IMMP2L: variants seen among roughly 807,000 people sequenced by gnomAD.
IMMP2L encodes the protein inner mitochondrial membrane peptidase subunit 2, also known as mitochondrial inner membrane protease subunit 2.
A neutral mutation model predicts 19.3 loss-of-function variants in IMMP2L; 18 were observed. The ratio of observed to expected loss-of-function variants is 0.93; its 90% CI spans 0.64 to 1.38. The LOEUF is 1.38. Among genes scored for constraint, IMMP2L ranks in the 40% most tolerant of loss-of-function variants. The pLI is 0.00. For missense variants in IMMP2L, 233 were observed against 218.2 expected (o/e 1.07, Z -0.43); for synonymous variants, 76 against 73.0 (o/e 1.04, Z -0.21).
intron 3 of IMMP2L, among the ~76,000 whole-genome samples, chr7:111,480,992 T>C (rs1350326316): frequency 6.6e-6 from 1 of 152,150 alleles, no homozygotes; most frequent in African/African-American, 2.4e-5. Flanking sequence ...TCAAATGCTC[T>C]ATTCTATTTC....
intron 3 of IMMP2L, among the ~76,000 whole-genome samples, chr7:111,406,929 A>G (rs999311665): frequency 3.3e-5 from 5 of 151,956 alleles, no homozygotes; most frequent in African/African-American, 1.2e-4. Context: ...AGCCACAGGA[A>G]CCTCTGCAGT....
At chr7:111,074,046 G>T (rs1278132288) in intron 3 of IMMP2L, among the ~76,000 whole-genome samples, 1 of 152,150 alleles carries the variant, frequency 6.6e-6, no homozygotes, top group Non-Finnish European at 1.5e-5. Flanking sequence ...GATAACACTT[G>T]CTGGACTCTG....
intron 4 of IMMP2L, among the ~76,000 whole-genome samples, chr7:110,957,405 A>T (rs187668966): frequency 1.5e-4 from 23 of 152,130 alleles, no homozygotes; most frequent in African/African-American, 5.5e-4. Context: ...AACTATTTCT[A>T]CAAGAAGCTA....
rs1487724532 is a variant in IMMP2L at position 110,686,972 on chromosome 7, A to G, written c.409-23251T>C. Among the ~76,000 whole-genome samples the G allele has an allele frequency of 1.3e-5, 2 of 152,078 alleles. 1 individual carries two copies. The highest frequency in any genetic ancestry group is 1.3e-4 in the Admixed American group (2 of 15,252). On this transcript the variant is annotated intron_variant, in intron 5 of 5. Transcript: ENST00000405709. ...CCTGGCATTCAGGAACCATCACAGT[A>G]TTATGCCCATCTGTCCACTTTTTCT...
At chr7:110,675,031 A>G (rs910967819) in intron 5 of IMMP2L, among the ~76,000 whole-genome samples, 2 of 152,178 alleles carry the variant, frequency 1.3e-5, no homozygotes, top group South Asian at 2.1e-4. Flanking sequence ...GGTCTCCCCA[A>G]TATCCAGTTC....
At chr7:111,121,610 G>C (rs935009137) in intron 3 of IMMP2L, among the ~76,000 whole-genome samples, 6 of 152,146 alleles carry the variant, frequency 3.9e-5, no homozygotes, top group African/African-American at 1.4e-4. Context: ...GGAGAAATAG[G>C]AACACTTTTA....
chr7:111,033,903 T>C (rs960401860), intron 3 of IMMP2L, among the ~76,000 whole-genome samples: 2 of 152,164 alleles, frequency 1.3e-5, no homozygotes, highest in African/African-American at 2.4e-5. Flanking sequence ...AATATCCATA[T>C]TATGGAACAT....
chr7:110,738,934 T>A (rs1192418279), intron 5 of IMMP2L, among the ~76,000 whole-genome samples: 1 of 152,132 alleles, frequency 6.6e-6, no homozygotes, highest in Admixed American at 6.5e-5. Context: ...AAAACAATTA[T>A]CGCCAAGAAT....
intron 4 of IMMP2L, among the ~76,000 whole-genome samples, chr7:110,952,259 T>C (rs1303039494): frequency 2.0e-5 from 3 of 152,186 alleles, no homozygotes; most frequent in Non-Finnish European, 4.4e-5. Flanking sequence ...GAGATGTAAT[T>C]GAGCCAGCAG....
chr7:111,060,594 C>T (rs910815164), intron 3 of IMMP2L, among the ~76,000 whole-genome samples: 5 of 152,104 alleles, frequency 3.3e-5, no homozygotes, highest in Admixed American at 2.0e-4. Context: ...TACTTTGGGG[C>T]AAGTTATCTC....
chr7:111,520,611 T>C (rs1846240275), intron 2 of IMMP2L, among the ~76,000 whole-genome samples: 2 of 152,236 alleles, frequency 1.3e-5, no homozygotes, highest in African/African-American at 4.8e-5. Flanking sequence ...TTTATACAAC[T>C]ATTTACCACA....
chr7:110,970,853 C>T (rs1820069833), intron 3 of IMMP2L, among the ~76,000 whole-genome samples: 1 of 152,024 alleles, frequency 6.6e-6, no homozygotes, highest in African/African-American at 2.4e-5. Flanking sequence ...GGAATAAATC[C>T]ATCAATCTAG....
intron 4 of IMMP2L, among the ~76,000 whole-genome samples, chr7:110,929,608 T>G (rs912988497): frequency 6.6e-6 from 1 of 152,216 alleles, no homozygotes; most frequent in African/African-American, 2.4e-5. Context: ...TGCACTGAAT[T>G]GTTCACGTAA....
At chr7:111,463,063 G>A (rs1840282879) in intron 3 of IMMP2L, among the ~76,000 whole-genome samples, 1 of 152,076 alleles carries the variant, frequency 6.6e-6, no homozygotes. Flanking sequence ...ATGTCCCTCT[G>A]AAGGCAGTAA....
At chr7:110,852,338 C>T (rs1159343572) in intron 5 of IMMP2L, among the ~76,000 whole-genome samples, 2 of 151,890 alleles carry the variant, frequency 1.3e-5, no homozygotes, top group Non-Finnish European at 2.9e-5. Context: ...AAACATGAGG[C>T]CTCTGAGTCA....
chr7:111,528,261 C>T (rs116124751), intron 1 of IMMP2L, among the ~76,000 whole-genome samples: 3,052 of 152,194 alleles, frequency 0.02, 105 homozygotes, highest in African/African-American at 0.07. Context: ...TACCTAGCCC[C>T]GACTTCCTCT....
At chr7:110,868,969 T>C (rs1808280293) in intron 5 of IMMP2L, among the ~76,000 whole-genome samples, 1 of 152,108 alleles carries the variant, frequency 6.6e-6, no homozygotes, top group Non-Finnish European at 1.5e-5. Context: ...ATTTTAATAT[T>C]CTCTTGGAAA....
intron 5 of IMMP2L, among the ~76,000 whole-genome samples, chr7:110,784,521 TATC>T (rs952697755): frequency 2.0e-5 from 3 of 152,018 alleles, no homozygotes; most frequent in African/African-American, 7.2e-5. Flanking sequence ...CATTTACATC[TATC>T]ATATTTCCCT....
chr7:110,673,401 G>T (rs1367555583), intron 5 of IMMP2L, among the ~76,000 whole-genome samples: 2 of 152,226 alleles, frequency 1.3e-5, no homozygotes, highest in African/African-American at 4.8e-5. Context: ...TGCCATGATG[G>T]TCTCTGACAT....
Sources: allele counts gnomAD v4.1 joint callset (sites outside exome capture counted in the v4.1 genomes callset), GRCh38; gene constraint gnomAD v4.1.1; transcripts MANE v1.5; gene names NCBI Gene and HGNC (gene_info 2026-07-23, HGNC 2026-07-21).